RUNDC3B: variants seen among roughly 807,000 people sequenced by gnomAD.
RUNDC3B encodes RUN domain-containing protein 3B.
A neutral mutation model predicts 58.4 loss-of-function variants in RUNDC3B; 33 were observed. That is an observed-to-expected ratio of 0.56 (90% CI 0.43 to 0.75). The LOEUF is 0.75. Among genes scored for constraint, RUNDC3B ranks in the 30% least tolerant of loss-of-function variants. RUNDC3B has a pLI of 0.00. For synonymous variants in RUNDC3B, 193 were observed against 195.2 expected, an observed-to-expected ratio of 0.99 and a Z score of 0.10; for missense variants, 501 against 535.7, an observed-to-expected ratio of 0.94 and a Z score of 0.64.
chr7:87,680,346 A>G (rs926540900), intron 2 of RUNDC3B, among the ~76,000 whole-genome samples: 6 of 150,724 alleles, frequency 4.0e-5, no homozygotes, highest in African/African-American at 1.5e-4. Context: ...TCTCGAGGAA[A>G]ATTAGTCTTT....
chr7:87,760,193 C>T (rs1300996175), intron 6 of RUNDC3B, among the ~76,000 whole-genome samples: 1 of 151,802 alleles, frequency 6.6e-6, no homozygotes, highest in Non-Finnish European at 1.5e-5. Flanking sequence ...TTATCCAATA[C>T]AGTAGCCATT....
chr7:87,679,330 T>G (rs1318038090), intron 2 of RUNDC3B, among the ~76,000 whole-genome samples: 1 of 149,662 alleles, frequency 6.7e-6, no homozygotes, highest in Non-Finnish European at 1.5e-5. Context: ...CCTGACCTCG[T>G]GATCCACCCA....
At chr7:87,633,407 A>G (rs17250003) in intron 1 of RUNDC3B, among the ~76,000 whole-genome samples, 4,759 of 152,300 alleles carry the variant, frequency 0.031, 73 homozygotes, top group Middle Eastern at 0.048. Flanking sequence ...ATCTGCCTCT[A>G]TGAATATGCC....
chr7:87,655,060 A>G (rs940207314), intron 2 of RUNDC3B, among the ~76,000 whole-genome samples: 2 of 152,104 alleles, frequency 1.3e-5, no homozygotes, highest in African/African-American at 4.8e-5. Context: ...TGTGGAGAAA[A>G]GGGAACCCTT....
intron 2 of RUNDC3B, among the ~76,000 whole-genome samples, chr7:87,686,315 T>C (rs1827449545): frequency 6.6e-6 from 1 of 152,198 alleles, no homozygotes; most frequent in African/African-American, 2.4e-5. Flanking sequence ...TAACAAATAA[T>C]TGTGTGTACT....
intron 1 of RUNDC3B, among the ~76,000 whole-genome samples, chr7:87,648,215 G>A (rs981979153): frequency 4.0e-5 from 6 of 151,006 alleles, no homozygotes; most frequent in African/African-American, 1.5e-4. Flanking sequence ...AGAAAGAAAT[G>A]GAAAATGATA....
At chr7:87,815,054 T>C (rs1038460034) in intron 9 of RUNDC3B, among the ~76,000 whole-genome samples, 1 of 152,082 alleles carries the variant, frequency 6.6e-6, no homozygotes, top group African/African-American at 2.4e-5. Context: ...GTCAATCTAG[T>C]TTGTTATTCA....
chr7:87,802,368 C>T (rs959335832), intron 8 of RUNDC3B, among the ~76,000 whole-genome samples: 1 of 151,974 alleles, frequency 6.6e-6, no homozygotes, highest in African/African-American at 2.4e-5. Context: ...GCACTCCAGC[C>T]TGGGCGACAG....
intron 6 of RUNDC3B, among the ~76,000 whole-genome samples, chr7:87,744,169 A>G (rs62489865): frequency 0.053 from 8,122 of 152,178 alleles, 289 homozygotes; most frequent in Non-Finnish European, 0.084. Context: ...CCACTGGTCT[A>G]TGTGCCTATT....
intron 10 of RUNDC3B, among the ~76,000 whole-genome samples, chr7:87,822,084 T>G (rs1037508465): frequency 6.6e-6 from 1 of 152,004 alleles, no homozygotes; most frequent in African/African-American, 2.4e-5. Context: ...CAAAAGAAAC[T>G]ACCATCAGAG....
intron 7 of RUNDC3B, among the ~76,000 whole-genome samples, chr7:87,772,941 A>G (rs1054339152): frequency 2.6e-5 from 4 of 152,142 alleles, no homozygotes; most frequent in Non-Finnish European, 5.9e-5. Context: ...ATACTAACTA[A>G]AAGAATTTTA....
intron 6 of RUNDC3B, among the ~76,000 whole-genome samples, chr7:87,754,424 G>T (rs1479343241): frequency 1.3e-5 from 2 of 152,148 alleles, no homozygotes; most frequent in Non-Finnish European, 2.9e-5. Context: ...CAGAATCTGT[G>T]GGACAGAGCT....
At chr7:87,646,569 C>T (rs1362515922) in intron 1 of RUNDC3B, among the ~76,000 whole-genome samples, 1 of 152,064 alleles carries the variant, frequency 6.6e-6, no homozygotes, top group African/African-American at 2.4e-5. Context: ...CTTTCTTATT[C>T]CATTCTACTG....
chr7:87,816,083 CAA>C, intron 9 of RUNDC3B, 56 bp from the exon 10 acceptor site: 1 of 1,261,390 alleles, frequency 7.9e-7, no homozygotes. Context: ...AATAACCACT[CAA>C]GAAATTATTT....
chr7:87,687,325 G>A (rs1248665589), intron 2 of RUNDC3B, among the ~76,000 whole-genome samples: 1 of 152,008 alleles, frequency 6.6e-6, no homozygotes, highest in African/African-American at 2.4e-5. Flanking sequence ...TATCTGAATG[G>A]TTAACACCCT....
chr7:87,756,801 T>A (rs1469543706), intron 6 of RUNDC3B, among the ~76,000 whole-genome samples: 1 of 152,086 alleles, frequency 6.6e-6, no homozygotes, highest in East Asian at 1.9e-4. Context: ...TTTATTTGAT[T>A]TTGTCCTGGA....
intron 4 of RUNDC3B, among the ~76,000 whole-genome samples, chr7:87,731,252 G>A (rs189977532): frequency 3.9e-5 from 6 of 152,050 alleles, no homozygotes; most frequent in Non-Finnish European, 8.8e-5. Flanking sequence ...AGATGTCAGT[G>A]ACCAATTCCA....
chr7:87,631,463 T>G (rs1821213554), intron 1 of RUNDC3B, among the ~76,000 whole-genome samples: 1 of 152,194 alleles, frequency 6.6e-6, no homozygotes, highest in African/African-American at 2.4e-5. Flanking sequence ...CGATCTCGGC[T>G]CACTGCAAGC....
chr7:87,822,123 A>G (rs1258559342), intron 10 of RUNDC3B, among the ~76,000 whole-genome samples: 4 of 152,198 alleles, frequency 2.6e-5, no homozygotes, highest in East Asian at 1.9e-4. Context: ...AATGGGAGAA[A>G]ATTTCCGCAA....
Sources: allele counts gnomAD v4.1 joint callset (sites outside exome capture counted in the v4.1 genomes callset), GRCh38; gene constraint gnomAD v4.1.1; transcripts MANE v1.5; gene names NCBI Gene and HGNC (gene_info 2026-07-23, HGNC 2026-07-21).